Variants in SLC24A2 observed in about 807,000 individuals in gnomAD.
The protein encoded by SLC24A2 is solute carrier family 24 member 2.
A neutral mutation model predicts 62.0 loss-of-function variants in SLC24A2; 36 were observed. The observed-to-expected ratio is 0.58, with a 90% CI of 0.44 to 0.77. The LOEUF is 0.77. SLC24A2 is among the 30% of genes least tolerant of loss of function. The pLI is 0.00. For synonymous variants in SLC24A2, 358 were observed against 294.0 expected (o/e 1.22, Z -2.23); for missense variants, 846 against 817.9 (o/e 1.03, Z -0.42).
the SLC24A2 span, among the ~76,000 whole-genome samples, chr9:20,145,759 TA>T: frequency 6.6e-6 from 1 of 151,940 alleles, no homozygotes; most frequent in Non-Finnish European, 1.5e-5. Flanking sequence ...ATTCTGTGCT[TA>T]AATTTGATAT....
chr9:20,235,684 G>A, the SLC24A2 span, among the ~76,000 whole-genome samples: 1 of 152,154 alleles, frequency 6.6e-6, no homozygotes, highest in Non-Finnish European at 1.5e-5. Flanking sequence ...CTTCCCGGGT[G>A]AGGCAATGCC....
the SLC24A2 span, among the ~76,000 whole-genome samples, chr9:19,993,641 C>G: frequency 7.0e-4 from 107 of 152,312 alleles, no homozygotes; most frequent in African/African-American, 2.5e-3. Context: ...TCTCCTCCTC[C>G]GTGAAGCTAA....
At chr9:19,670,734 A>C (rs1819390204) in intron 2 of SLC24A2, among the ~76,000 whole-genome samples, 1 of 152,182 alleles carries the variant, frequency 6.6e-6, no homozygotes, top group Admixed American at 6.5e-5. Flanking sequence ...GACATGGCCC[A>C]AACTCTTGTA....
chr9:19,572,643 A>G (rs1002620747), intron 7 of SLC24A2, among the ~76,000 whole-genome samples: 5 of 152,216 alleles, frequency 3.3e-5, no homozygotes, highest in African/African-American at 9.6e-5. Context: ...CTGTGGAACT[A>G]TAAGTCAATT....
In SLC24A2 at chr9:19,511,650, A is replaced by G. The variant is rs1832721862; in HGVS notation, c.*4503T>C. The G allele has an allele frequency of 6.6e-6, 1 of 152,220 alleles. No individual in the cohort carries two copies. Among genetic ancestry groups the G allele is most frequent in the African/African-American group, 2.4e-5 (1 of 41,444 alleles). The allele number at this position is 152,220 out of a possible 1,614,324, so 9.4% of individuals were successfully genotyped here. ...GGTTGAGGAGGTATCTTTTAAAAAT[A>G]TTAAGCCGGATCGTTAAGGAATATG... On this transcript the variant is annotated 3_prime_UTR_variant, in exon 11 of 11. Coordinates refer to ENST00000341998, the MANE Select transcript of SLC24A2 (RefSeq NM_020344.4).
At chr9:20,223,021 G>C in the SLC24A2 span, among the ~76,000 whole-genome samples, 145 of 152,066 alleles carry the variant, frequency 9.5e-4, 1 homozygote, top group Non-Finnish European at 1.9e-3. Flanking sequence ...ATAAAAAAGA[G>C]TCTATACAAA....
At chr9:20,075,521 A>C in the SLC24A2 span, among the ~76,000 whole-genome samples, 3 of 152,120 alleles carry the variant, frequency 2.0e-5, no homozygotes, top group African/African-American at 7.2e-5. Context: ...GGGTGACCCA[A>C]AGGGGCAATG....
chr9:19,594,314 C>T (rs1836643357), intron 5 of SLC24A2, among the ~76,000 whole-genome samples: 2 of 152,112 alleles, frequency 1.3e-5, no homozygotes, highest in African/African-American at 4.8e-5. Context: ...CCCAAAGCAC[C>T]CAGCAGAATA....
the SLC24A2 span, among the ~76,000 whole-genome samples, chr9:20,147,291 C>G: frequency 2.0e-5 from 3 of 152,112 alleles, no homozygotes; most frequent in Admixed American, 2.0e-4. Flanking sequence ...ATTGCCTCAC[C>G]TCCAAAGTTA....
chr9:19,761,124 G>A (rs954861805), intron 2 of SLC24A2, among the ~76,000 whole-genome samples: 1 of 152,148 alleles, frequency 6.6e-6, no homozygotes, highest in Admixed American at 6.5e-5. Flanking sequence ...GTAAACATGT[G>A]TGCATGTGTC....
At chr9:19,789,972 T>A (rs1021963818), upstream of SLC24A2, among the ~76,000 whole-genome samples, 11 of 152,192 alleles carry the variant, frequency 7.2e-5, no homozygotes, top group African/African-American at 2.4e-4. Context: ...GACCTCTGAC[T>A]TAGAGTACAG....
At chr9:19,947,808 A>AAAGAAAAAG in the SLC24A2 span, among the ~76,000 whole-genome samples, 1 of 59,226 alleles carries the variant, frequency 1.7e-5, no homozygotes, top group African/African-American at 8.0e-5. Flanking sequence ...AAAAAAAAAA[A>AAAGAAAAAG]AAAGAAAGAA....
intron 8 of SLC24A2, among the ~76,000 whole-genome samples, chr9:19,547,073 C>T (rs1258215848): frequency 6.6e-6 from 1 of 152,172 alleles, no homozygotes; most frequent in African/African-American, 2.4e-5. Context: ...CCTATTTGGC[C>T]ATCTTGCCAG....
chr9:20,267,517 T>C, the SLC24A2 span, among the ~76,000 whole-genome samples: 1 of 152,074 alleles, frequency 6.6e-6, no homozygotes, highest in Non-Finnish European at 1.5e-5. Flanking sequence ...AATAACACTC[T>C]GAAAAAGGGG....
chr9:19,990,620 A>AAAAAAAAAC, the SLC24A2 span, among the ~76,000 whole-genome samples: 1 of 107,196 alleles, frequency 9.3e-6, no homozygotes, highest in African/African-American at 3.7e-5. Context: ...AAAAAACAAA[A>AAAAAAAAAC]AAAAAAAAAC....
At chr9:19,988,099 A>C in the SLC24A2 span, among the ~76,000 whole-genome samples, 16 of 152,196 alleles carry the variant, frequency 1.1e-4, no homozygotes, top group Non-Finnish European at 1.8e-4. Context: ...GGAGGGATGG[A>C]TGAACTGCAG....
At chr9:20,003,232 T>C in the SLC24A2 span, among the ~76,000 whole-genome samples, 2 of 152,258 alleles carry the variant, frequency 1.3e-5, no homozygotes, top group South Asian at 4.1e-4. Context: ...TATACAAAAC[T>C]ATGCCCATGA....
intron 7 of SLC24A2, among the ~76,000 whole-genome samples, chr9:19,550,953 A>G (rs1239050376): frequency 6.6e-6 from 1 of 151,892 alleles, no homozygotes; most frequent in African/African-American, 2.4e-5. Context: ...CATCACCTTG[A>G]GTGTTTATCA....
the SLC24A2 span, among the ~76,000 whole-genome samples, chr9:20,236,496 CAAAGAT>C: frequency 6.6e-6 from 1 of 152,122 alleles, no homozygotes; most frequent in Non-Finnish European, 1.5e-5. Flanking sequence ...CAAAATTTTT[CAAAGAT>C]AAATTTTCCT....
Sources: gnomAD v4.1 joint callset for allele counts (sites outside exome capture counted in the v4.1 genomes callset) on GRCh38, gnomAD v4.1.1 for gene constraint, MANE v1.5 for transcripts, NCBI Gene and HGNC (gene_info 2026-07-23, HGNC 2026-07-21) for gene names.